SPATA13: variants seen among roughly 807,000 people sequenced by gnomAD.
SPATA13 encodes spermatogenesis-associated protein 13.
In SPATA13, 50 loss-of-function variants were observed where a neutral mutation model predicts 104.0. The ratio of observed to expected loss-of-function variants is 0.48; its 90% CI spans 0.38 to 0.61. SPATA13 has a LOEUF of 0.61. Among genes scored for constraint, SPATA13 ranks in the 20% least tolerant of loss-of-function variants. The probability of loss-of-function intolerance (pLI) is 0.00; values close to 1 mark genes in which losing one functional copy is unlikely to be tolerated. For missense variants in SPATA13, 1,524 were observed against 1,690.6 expected (o/e 0.90, Z 1.73); for synonymous variants, 606 against 667.5 (o/e 0.91, Z 1.42).
intron 3 of SPATA13, among the ~76,000 whole-genome samples, chr13:24,112,729 TTC>T (rs1204573684): frequency 1.3e-5 from 2 of 152,214 alleles, no homozygotes; most frequent in Non-Finnish European, 2.9e-5. Flanking sequence ...TGATCCACAG[TTC>T]TCTGTTCTCT....
intron 1 of SPATA13, among the ~76,000 whole-genome samples, chr13:24,172,900 A>G (rs566728410): frequency 6.6e-6 from 1 of 152,212 alleles, no homozygotes; most frequent in Non-Finnish European, 1.5e-5. Flanking sequence ...GGTAGAATTG[A>G]CATCTTTACT....
At chr13:24,102,569 G>A (rs1880292778) in intron 3 of SPATA13, among the ~76,000 whole-genome samples, 1 of 151,396 alleles carries the variant, frequency 6.6e-6, no homozygotes, top group Non-Finnish European at 1.5e-5. Flanking sequence ...CCTTCTCCCG[G>A]GATTAGGTGA....
At chr13:24,001,543 C>G (rs144445550) in intron 2 of SPATA13, among the ~76,000 whole-genome samples, 59 of 151,928 alleles carry the variant, frequency 3.9e-4, no homozygotes, top group Non-Finnish European at 7.7e-4. Context: ...GCCGGGCTGG[C>G]TGCCGTGTCT....
At chr13:24,175,509 C>T (rs563828293) in intron 1 of SPATA13, among the ~76,000 whole-genome samples, 6 of 152,264 alleles carry the variant, frequency 3.9e-5, no homozygotes. Flanking sequence ...ATCTCAGAAT[C>T]AGAGTCCAGA....
At chr13:24,147,034 C>T (rs1336305304) in intron 3 of SPATA13, among the ~76,000 whole-genome samples, 1 of 152,066 alleles carries the variant, frequency 6.6e-6, no homozygotes, top group African/African-American at 2.4e-5. Flanking sequence ...GCCCAATAGG[C>T]CTCTGGATGA....
chr13:24,299,501 A>T (rs957072925), intron 11 of SPATA13, among the ~76,000 whole-genome samples: 2 of 152,174 alleles, frequency 1.3e-5, no homozygotes, highest in Non-Finnish European at 2.9e-5. Context: ...AGGGCCTTGG[A>T]GGCAGGGACA....
chr13:24,251,683 G>T, intron 3 of SPATA13, 35 bp from the exon 4 acceptor site: 2 of 1,610,476 alleles, frequency 1.2e-6, no homozygotes, highest in Non-Finnish European at 1.7e-6. Context: ...GCCACTTCCT[G>T]GTACCTCCTC....
intron 3 of SPATA13, among the ~76,000 whole-genome samples, chr13:24,136,443 T>A (rs2138450729): frequency 6.6e-6 from 1 of 150,790 alleles, no homozygotes; most frequent in East Asian, 2.0e-4. Flanking sequence ...GCCATTGCAC[T>A]CCAGCCTGGG....
chr13:24,285,490 G>A (rs1875864583), intron 5 of SPATA13, among the ~76,000 whole-genome samples: 1 of 151,574 alleles, frequency 6.6e-6, no homozygotes, highest in Non-Finnish European at 1.5e-5. Flanking sequence ...TTTTTAAAAA[G>A]GGGCCTGCCT....
At chr13:24,213,901 AT>A (rs1397503108) in intron 1 of SPATA13, among the ~76,000 whole-genome samples, 8 of 152,222 alleles carry the variant, frequency 5.3e-5, no homozygotes, top group Non-Finnish European at 1.0e-4. Flanking sequence ...ACCTTCTGGT[AT>A]TTATTATCTG....
chr13:24,114,390 T>TGCATGTGTGCACATGCGCGTGTGC (rs879639658), intron 3 of SPATA13, among the ~76,000 whole-genome samples: 1,393 of 68,690 alleles, frequency 0.02, 9 homozygotes, highest in Middle Eastern at 0.045. Flanking sequence ...TGCGCGTGTG[T>TGCATGTGTGCACATGCGCGTGTGC]GTGCATGTGT....
intron 3 of SPATA13, among the ~76,000 whole-genome samples, chr13:24,135,101 C>T (rs983285078): frequency 3.9e-5 from 6 of 152,180 alleles, no homozygotes; most frequent in Non-Finnish European, 7.3e-5. Flanking sequence ...CTGCCAATGC[C>T]TTGATCTCGA....
At chr13:24,132,036 C>G (rs1160974517) in intron 3 of SPATA13, among the ~76,000 whole-genome samples, 2 of 152,218 alleles carry the variant, frequency 1.3e-5, no homozygotes, top group African/African-American at 2.4e-5. Context: ...GCTTGAGTGA[C>G]AGACTGAGGC....
At chr13:24,075,134 A>T (rs958497083) in intron 3 of SPATA13, among the ~76,000 whole-genome samples, 2 of 152,258 alleles carry the variant, frequency 1.3e-5, no homozygotes, top group African/African-American at 4.8e-5. Flanking sequence ...CTGCTCTGCT[A>T]GAGGCCTTTC....
intron 3 of SPATA13, among the ~76,000 whole-genome samples, chr13:24,089,361 A>G (rs1879842400): frequency 1.3e-5 from 2 of 152,194 alleles, no homozygotes; most frequent in Admixed American, 6.5e-5. Context: ...TTGTGGCAAA[A>G]ACAAAAAGGA....
At chr13:24,222,735 T>G in intron 1 of SPATA13, 84 bp from the exon 2 acceptor site, 1 of 1,189,862 alleles carries the variant, frequency 8.4e-7, no homozygotes, top group Non-Finnish European at 1.2e-6. Flanking sequence ...ACCAGCCCTG[T>G]GCTGGAGCGT....
intron 1 of SPATA13, among the ~76,000 whole-genome samples, chr13:24,179,479 T>C (rs1868655976): frequency 6.6e-6 from 1 of 152,338 alleles, no homozygotes; most frequent in Non-Finnish European, 1.5e-5. Flanking sequence ...AAACATAAAC[T>C]TTACCATTTT....
chr13:24,022,027 T>A, intron 3 of SPATA13, among the ~76,000 whole-genome samples: 1 of 145,568 alleles, frequency 6.9e-6, no homozygotes, highest in African/African-American at 2.5e-5. Context: ...TGGAAAATCT[T>A]AATGTTTCTT....
At chr13:24,001,174 C>T (rs1418913232) in intron 2 of SPATA13, among the ~76,000 whole-genome samples, 4 of 152,152 alleles carry the variant, frequency 2.6e-5, no homozygotes, top group Non-Finnish European at 5.9e-5. Flanking sequence ...CTCACAGCCA[C>T]ATTACATTTT....
Sources: gnomAD v4.1 joint callset for allele counts (sites outside exome capture counted in the v4.1 genomes callset) on GRCh38, gnomAD v4.1.1 for gene constraint, MANE v1.5 for transcripts, NCBI Gene and HGNC (gene_info 2026-07-23, HGNC 2026-07-21) for gene names.